VPS37A: variants seen among roughly 807,000 people sequenced by gnomAD.
VPS37A encodes VPS37A subunit of ESCRT-I, also known as vacuolar protein sorting-associated protein 37A.
Under a neutral mutation model 49.8 loss-of-function variants are expected in VPS37A, and 30 were observed. The observed-to-expected ratio is 0.60, with a 90% CI of 0.45 to 0.82. The LOEUF (loss-of-function observed/expected upper bound fraction) is 0.82. Among genes scored for constraint, VPS37A ranks in the 40% least tolerant of loss-of-function variants. The pLI is 0.00. For synonymous variants in VPS37A, 195 were observed against 160.6 expected (o/e 1.21, Z -1.62); for missense variants, 593 against 464.4 (o/e 1.28, Z -2.55).
At chr8:17,281,469 A>G (rs1034715358) in intron 9 of VPS37A, among the ~76,000 whole-genome samples, 12 of 152,016 alleles carry the variant, frequency 7.9e-5, no homozygotes, top group Non-Finnish European at 5.9e-5. Flanking sequence ...CATTCTTTAT[A>G]CAAACTCTTA....
At chr8:17,250,558 T>A (rs552190796) in intron 1 of VPS37A, among the ~76,000 whole-genome samples, 1 of 152,184 alleles carries the variant, frequency 6.6e-6, no homozygotes, top group East Asian at 1.9e-4. Context: ...GTGAATATCT[T>A]TTTTTGGCCA....
chr8:17,311,330 A>T, the VPS37A span, among the ~76,000 whole-genome samples: 1 of 152,152 alleles, frequency 6.6e-6, no homozygotes, highest in Admixed American at 6.5e-5. Context: ...TCTTTATTCC[A>T]AGCCTTCCCC....
the VPS37A span, among the ~76,000 whole-genome samples, chr8:17,314,961 G>T: frequency 6.6e-6 from 1 of 152,136 alleles, no homozygotes; most frequent in Non-Finnish European, 1.5e-5. Flanking sequence ...TAAATGAGAG[G>T]GTGCTTAGTG....
chr8:17,320,828 C>T, the VPS37A span, among the ~76,000 whole-genome samples: 1 of 152,330 alleles, frequency 6.6e-6, no homozygotes, highest in East Asian at 1.9e-4. Context: ...CCAGCACCCT[C>T]CATGAGCTCT....
At chr8:17,326,438 G>A in the VPS37A span, 20 of 152,282 alleles carry the variant, frequency 1.3e-4, no homozygotes, top group African/African-American at 4.6e-4. Context: ...AATGATCCTT[G>A]CAGTTCATAT....
the VPS37A span, among the ~76,000 whole-genome samples, chr8:17,314,442 T>C: frequency 6.6e-5 from 10 of 152,174 alleles, no homozygotes; most frequent in Non-Finnish European, 1.0e-4. Flanking sequence ...GGAAGGTGTA[T>C]AAATTATATC....
Position 17,271,563 on chromosome 8 carries a change from G to A in VPS37A, c.416+2607G>A, listed in dbSNP as rs185200400. On this transcript the variant is annotated intron_variant, in intron 4 of 11. Transcript: ENST00000324849. ...AGAGCTTGCAGTGAGCCGAGATCAC[G>A]CCACTGCATTCCAGCCTGGGTGACA... Among the ~76,000 whole-genome samples, 8 of 152,108 alleles carry A rather than the reference G, an allele frequency of 5.3e-5. No individual in the cohort carries two copies. In the South Asian group the frequency reaches 6.2e-4, roughly 12 times the overall value.
downstream of VPS37A, chr8:17,300,052 T>G: frequency 6.2e-7 from 1 of 1,614,142 alleles, no homozygotes; most frequent in Non-Finnish European, 8.5e-7. Context: ...AGAATCTTCA[T>G]CGCCTTGTGA....
At chr8:17,257,506 G>A (rs1457787919) in intron 1 of VPS37A, among the ~76,000 whole-genome samples, 1 of 152,148 alleles carries the variant, frequency 6.6e-6, no homozygotes, top group African/African-American at 2.4e-5. Context: ...CGTTAGGGGA[G>A]GGATAGCATT....
intron 1 of VPS37A, among the ~76,000 whole-genome samples, chr8:17,259,694 T>G (rs1479704114): frequency 6.6e-6 from 1 of 152,144 alleles, no homozygotes; most frequent in African/African-American, 2.4e-5. Context: ...GTTAACGTAT[T>G]GCAATCTGTC....
At chr8:17,283,593 AT>A (rs1292660596) in intron 9 of VPS37A, among the ~76,000 whole-genome samples, 4 of 152,162 alleles carry the variant, frequency 2.6e-5, no homozygotes, top group Admixed American at 1.3e-4. Context: ...TTCCAGCACC[AT>A]TTGTTGAAAA....
At chr8:17,274,503 T>A (rs553897680) in intron 4 of VPS37A, among the ~76,000 whole-genome samples, 122 of 151,248 alleles carry the variant, frequency 8.1e-4, no homozygotes, top group African/African-American at 2.9e-3. Context: ...ACCCATCATC[T>A]TCTTTGTAGA....
the VPS37A span, among the ~76,000 whole-genome samples, chr8:17,316,691 G>C: frequency 1.6e-4 from 25 of 152,272 alleles, no homozygotes; most frequent in Admixed American, 3.3e-4. Context: ...AATGGTAATA[G>C]AAAACCAATC....
At chr8:17,265,079 G>C (rs1386336201) in intron 1 of VPS37A, among the ~76,000 whole-genome samples, 1 of 152,134 alleles carries the variant, frequency 6.6e-6, no homozygotes, top group Non-Finnish European at 1.5e-5. Context: ...TTTGACAGTT[G>C]CATAGTCATC....
intron 1 of VPS37A, among the ~76,000 whole-genome samples, chr8:17,261,218 T>A (rs1389291696): frequency 6.6e-6 from 1 of 152,210 alleles, no homozygotes; most frequent in African/African-American, 2.4e-5. Context: ...TCTTCAGGTT[T>A]ACTGATTGTT....
In VPS37A at chr8:17,276,343, A is replaced by T; in HGVS notation, c.643-54A>T. The T allele has an allele frequency of 2.1e-6, 3 of 1,395,616 alleles. No homozygotes were observed. The South Asian group carries it at 3.6e-5, about 17-fold the overall frequency. The allele number at this position is 1,395,616 out of a possible 1,614,324, so 86.5% of individuals were successfully genotyped here. A position where few individuals can be genotyped will look rare whatever the true frequency, so the allele number is the denominator to read the frequency against. ...TAAAGATTACGTTTATTAGTAATTG[A>T]GAGCAGTCAAAAATAATGGCTGAAA... On this transcript the variant is annotated intron_variant, in intron 5 of 11. Transcript: ENST00000324849.
At chr8:17,322,404 T>C in the VPS37A span, among the ~76,000 whole-genome samples, 1 of 152,252 alleles carries the variant, frequency 6.6e-6, no homozygotes, top group African/African-American at 2.4e-5. Context: ...TATATGAATG[T>C]GAATTTTTGT....
chr8:17,265,778 T>G, intron 1 of VPS37A, 129 bp from the exon 2 acceptor site: 1 of 1,547,088 alleles, frequency 6.5e-7, no homozygotes, highest in Non-Finnish European at 8.7e-7. Flanking sequence ...AAGATACAAG[T>G]TATGCTGGCT....
chr8:17,315,616 T>G, the VPS37A span, among the ~76,000 whole-genome samples: 1 of 152,130 alleles, frequency 6.6e-6, no homozygotes, highest in Non-Finnish European at 1.5e-5. Context: ...GCTGTGAATC[T>G]AAAACTGCTC....
Sources: allele counts gnomAD v4.1 joint callset (sites outside exome capture counted in the v4.1 genomes callset), GRCh38; gene constraint gnomAD v4.1.1; transcripts MANE v1.5; gene names NCBI Gene and HGNC (gene_info 2026-07-23, HGNC 2026-07-21).